GPC5: variants seen among roughly 807,000 people sequenced by gnomAD.
GPC5 encodes glypican-5.
Under a neutral mutation model 53.9 loss-of-function variants are expected in GPC5, and 47 were observed. The observed-to-expected ratio is 0.87, with a 90% CI of 0.69 to 1.11. GPC5 has a LOEUF of 1.11. Ranked by LOEUF, GPC5 falls within the 50% of genes most tolerant of loss-of-function variation. The probability of loss-of-function intolerance (pLI) is 0.00; values close to 1 mark genes in which losing one functional copy is unlikely to be tolerated. For synonymous variants in GPC5, 286 were observed against 263.3 expected, an observed-to-expected ratio of 1.09 and a Z score of -0.84; for missense variants, 748 against 713.1, an observed-to-expected ratio of 1.05 and a Z score of -0.56.
rs1555325833 is a variant in GPC5, at chr13:91,571,839, T to TGTGTGTGTGTATACACACATATACGTGTG, written c.326-121348_326-121347insGTGTGTGTGTATACACACATATACGTGTG. 1.2e-4 allele frequency among the ~76,000 whole-genome samples: 11 copies of TGTGTGTGTGTATACACACATATACGTGTG among 91,122 alleles called. 1 individual carries two copies. The highest frequency in any genetic ancestry group is 1.5e-4 in the African/African-American group (2 of 12,972). 59.8% of individuals were successfully genotyped at this position (91,122 alleles called of 152,430 possible). A position where few individuals can be genotyped will look rare whatever the true frequency, so the allele number is the denominator to read the frequency against. On this transcript the variant is annotated intron_variant, in intron 2 of 7. Transcript: ENST00000377067. ...CGTGTGTGTATATATACACATATACTTGTGTGTATATACACATATACGTGT... is the reference window on the plus strand; with the variant it reads ...CGTGTGTGTATATATACACATATACTGTGTGTGTGTATACACACATATACGTGTGTGTGTGTATATACACATATACGTGT...
intron 7 of GPC5, among the ~76,000 whole-genome samples, chr13:92,444,580 C>G (rs549951050): frequency 2.6e-5 from 4 of 151,782 alleles, no homozygotes; most frequent in African/African-American, 7.3e-5. Flanking sequence ...AGTGGTAATA[C>G]AAACCAGACA....
chr13:91,912,745 A>G (rs970273277), intron 6 of GPC5, among the ~76,000 whole-genome samples: 24 of 151,656 alleles, frequency 1.6e-4, no homozygotes, highest in Admixed American at 1.4e-3. Context: ...CCAGTTTTTT[A>G]TGATAATAAA....
intron 7 of GPC5, among the ~76,000 whole-genome samples, chr13:92,559,500 A>G (rs1177173866): frequency 1.3e-5 from 2 of 151,594 alleles, no homozygotes; most frequent in Non-Finnish European, 2.9e-5. Context: ...CCTAGCCAGG[A>G]GCACACCTTT....
intron 1 of GPC5, among the ~76,000 whole-genome samples, chr13:91,435,206 C>G (rs1256306670): frequency 6.6e-6 from 1 of 152,112 alleles, no homozygotes. Flanking sequence ...TTGCCCTGGC[C>G]AGAACTTCCA....
intron 7 of GPC5, among the ~76,000 whole-genome samples, chr13:92,404,856 G>A (rs996674801): frequency 6.7e-6 from 1 of 149,670 alleles, no homozygotes; most frequent in Non-Finnish European, 1.5e-5. Flanking sequence ...ATTTATTAAG[G>A]TGGTACTTTA....
Position 92,361,470 on chromosome 13 carries a change from T to C in GPC5, c.1561+216481T>C, listed in dbSNP as rs113468234. Among the ~76,000 whole-genome samples the C allele has an allele frequency of 9.6e-3, 1,453 of 151,884 alleles. 13 individuals carry two copies. Among genetic ancestry groups the C allele is most frequent in the Non-Finnish European group, 0.016 (1,088 of 68,014 alleles). ...ATATATGGATCTAGATTTTGACCAATAGCCAGCCTGTGGGTGATCAAAGCT... is the reference window on the plus strand; with the variant it reads ...ATATATGGATCTAGATTTTGACCAACAGCCAGCCTGTGGGTGATCAAAGCT... On this transcript the variant is annotated intron_variant, in intron 7 of 7. Coordinates refer to ENST00000377067, the MANE Select transcript of GPC5 (RefSeq NM_004466.6).
At chr13:91,641,556 C>T (rs185474020) in intron 2 of GPC5, among the ~76,000 whole-genome samples, 1 of 152,328 alleles carries the variant, frequency 6.6e-6, no homozygotes, top group East Asian at 1.9e-4. Flanking sequence ...AGCAAATCAC[C>T]ATGGCACACA....
At chr13:92,229,538 G>T (rs530420801) in intron 7 of GPC5, among the ~76,000 whole-genome samples, 25 of 152,118 alleles carry the variant, frequency 1.6e-4, no homozygotes, top group African/African-American at 5.3e-4. Context: ...TGAAATGAAG[G>T]TTATTGTTCC....
intron 7 of GPC5, among the ~76,000 whole-genome samples, chr13:92,766,705 T>C (rs1163102331): frequency 6.6e-6 from 1 of 152,230 alleles, no homozygotes; most frequent in East Asian, 1.9e-4. Flanking sequence ...TCTTTTCTAA[T>C]CAGTTTCCAT....
chr13:92,066,519 C>T (rs1053712562), intron 6 of GPC5, among the ~76,000 whole-genome samples: 3 of 151,608 alleles, frequency 2.0e-5, no homozygotes, highest in Admixed American at 2.0e-4. Context: ...TTAACTTTCA[C>T]GTGAGTTTTG....
At chr13:91,935,179 A>T (rs1467787091) in intron 6 of GPC5, among the ~76,000 whole-genome samples, 1 of 151,944 alleles carries the variant, frequency 6.6e-6, no homozygotes, top group Non-Finnish European at 1.5e-5. Flanking sequence ...AAAGCCATGG[A>T]TATACTCTTA....
chr13:91,810,645 A>T (rs1245123942), intron 5 of GPC5, among the ~76,000 whole-genome samples: 1 of 151,968 alleles, frequency 6.6e-6, no homozygotes, highest in African/African-American at 2.4e-5. Flanking sequence ...CTCTCAGGAT[A>T]ATGAAAAAGG....
intron 6 of GPC5, among the ~76,000 whole-genome samples, chr13:92,127,391 A>G (rs1414474301): frequency 6.6e-6 from 1 of 152,060 alleles, no homozygotes; most frequent in African/African-American, 2.4e-5. Flanking sequence ...AGCTTTTTTA[A>G]AGTATGAATT....
chr13:92,012,945 G>C (rs556079303), intron 6 of GPC5, among the ~76,000 whole-genome samples: 1 of 152,178 alleles, frequency 6.6e-6, no homozygotes, highest in South Asian at 2.1e-4. Context: ...GTGCATGTGG[G>C]ACCTGGCCAG....
chr13:92,188,443 A>C (rs1240472052), intron 7 of GPC5, among the ~76,000 whole-genome samples: 1 of 152,204 alleles, frequency 6.6e-6, no homozygotes, highest in Non-Finnish European at 1.5e-5. Context: ...GGAAAGGATA[A>C]GAAAAAGTGA....
chr13:92,348,620 C>T (rs1201571441), intron 7 of GPC5, among the ~76,000 whole-genome samples: 1 of 152,058 alleles, frequency 6.6e-6, no homozygotes, highest in Admixed American at 6.5e-5. Context: ...ATAGCAACAG[C>T]ATACACAATA....
intron 7 of GPC5, among the ~76,000 whole-genome samples, chr13:92,189,567 G>A (rs932306490): frequency 2.6e-5 from 4 of 151,786 alleles, no homozygotes; most frequent in Admixed American, 1.3e-4. Context: ...CTTTTACATC[G>A]TGTCTGCCTT....
intron 7 of GPC5, among the ~76,000 whole-genome samples, chr13:92,235,836 C>A (rs1453093631): frequency 6.6e-6 from 1 of 152,048 alleles, no homozygotes; most frequent in Non-Finnish European, 1.5e-5. Flanking sequence ...GTCCCCCTCT[C>A]ACTTTTATTC....
At chr13:92,324,763 T>C (rs1263286369) in intron 7 of GPC5, among the ~76,000 whole-genome samples, 1 of 151,896 alleles carries the variant, frequency 6.6e-6, no homozygotes, top group Non-Finnish European at 1.5e-5. Context: ...TGTTAGTGAC[T>C]TGACTTTCTC....
Sources: allele counts gnomAD v4.1 joint callset (sites outside exome capture counted in the v4.1 genomes callset), GRCh38; gene constraint gnomAD v4.1.1; transcripts MANE v1.5; gene names NCBI Gene and HGNC (gene_info 2026-07-23, HGNC 2026-07-21).